Variants in COG7 observed in about 807,000 individuals in gnomAD.
The protein encoded by COG7 is conserved oligomeric Golgi complex subunit 7.
Under a neutral mutation model 91.5 loss-of-function variants are expected in COG7, and 49 were observed. The observed-to-expected ratio is 0.54, with a 90% CI of 0.43 to 0.68. COG7 has a LOEUF of 0.68. Among genes scored for constraint, COG7 ranks in the 30% least tolerant of loss-of-function variants. COG7 has a pLI of 0.00. For synonymous variants in COG7, 365 were observed against 388.7 expected (o/e 0.94, Z 0.72); for missense variants, 895 against 961.3 (o/e 0.93, Z 0.91).
At chr16:23,436,397 A>G (rs997096135) in intron 4 of COG7, among the ~76,000 whole-genome samples, 2 of 152,138 alleles carry the variant, frequency 1.3e-5, no homozygotes, top group Non-Finnish European at 2.9e-5. Context: ...GAAAAGGGGA[A>G]CATGTTGGGG....
intron 8 of COG7, 85 bp from the exon 9 acceptor site, chr16:23,417,206 T>G: frequency 7.2e-7 from 1 of 1,394,856 alleles, no homozygotes. Context: ...CCTTCTCATC[T>G]GTAGTAAAAT....
intron 14 of COG7, among the ~76,000 whole-genome samples, chr16:23,397,277 T>C (rs1030317757): frequency 3.9e-5 from 6 of 152,132 alleles, no homozygotes; most frequent in African/African-American, 1.4e-4. Flanking sequence ...CACATAGGGG[T>C]TGGATTCTAA....
chr16:23,390,210 T>C (rs1963169951), intron 16 of COG7: 3 of 150,870 alleles, frequency 2.0e-5, no homozygotes, highest in Non-Finnish European at 2.9e-5. Flanking sequence ...TTTTTTTTTT[T>C]TTCTTTTCTG....
At position 23,392,498 on chromosome 16, in the gene COG7, G is replaced by A; in HGVS notation, c.2028C>T (p.Asn676=). 1.2e-6 allele frequency: 2 copies of A among 1,614,210 alleles called. No homozygotes were observed. Among genetic ancestry groups the A allele is most frequent in the South Asian group, 2.2e-5 (2 of 91,086 alleles). The change falls in exon 16 of 17, where the codon AAC becomes AAT. Residue 676 remains asparagine (N), a synonymous_variant. Coordinates refer to ENST00000307149, the MANE Select transcript of COG7 (RefSeq NM_153603.4). ...EQGDELPELD[N]MADNWLGSIA... ...TCGAGCCCAGCCAGTTGTCAGCCAT[G>A]TTGTCCAGCTCGGGCAATTCATCCC...
Position 23,434,760 on chromosome 16 carries a change from T to C in COG7, c.605-42A>G, listed in dbSNP as rs369227896. 44 of 1,438,260 alleles carry C rather than the reference T, an allele frequency of 3.1e-5. No homozygotes were observed. In the African/African-American group the frequency reaches 5.6e-4, roughly 18 times the overall value. 89.1% of individuals were successfully genotyped at this position (1,438,260 alleles called of 1,614,324 possible). On this transcript the variant is annotated intron_variant, in intron 4 of 16. Coordinates refer to ENST00000307149, the MANE Select transcript of COG7 (RefSeq NM_153603.4). ...GTATATATACTGTTACCAGCCTTTCTGGTGTAGACATGAGAAAAAACTCAC... is the reference window on the plus strand; with the variant it reads ...GTATATATACTGTTACCAGCCTTTCCGGTGTAGACATGAGAAAAAACTCAC...
intron 14 of COG7, among the ~76,000 whole-genome samples, chr16:23,397,791 C>T (rs60176843): frequency 3.2e-3 from 489 of 152,268 alleles, no homozygotes; most frequent in East Asian, 0.02. Context: ...TCAACTCTGA[C>T]GCCCTCAGGT....
Position 23,453,048 on chromosome 16 carries a change from C to T in COG7, c.-54G>A. 1 of 1,610,198 alleles carries T rather than the reference C, an allele frequency of 6.2e-7. No homozygotes were observed. The highest frequency in any genetic ancestry group is 2.2e-5 in the East Asian group (1 of 44,762). On this transcript the variant is annotated 5_prime_UTR_variant, in exon 1 of 17. Transcript: ENST00000307149. ...GAACTTAAGAGTTGGCTCCGGGCGG[C>T]AACGGGGATGCAGAAGCGAGCGAGC... is the stretch of plus-strand genomic sequence containing the variant.
chr16:23,434,569 C>G (rs532465657), intron 5 of COG7, 67 bp downstream of exon 5: 1 of 1,194,738 alleles, frequency 8.4e-7, no homozygotes, highest in Non-Finnish European at 1.2e-6. Flanking sequence ...TATGAACCTG[C>G]GATTCTGTGA....
At chr16:23,428,522 A>G (rs1264371913) in intron 6 of COG7, among the ~76,000 whole-genome samples, 1 of 152,056 alleles carries the variant, frequency 6.6e-6, no homozygotes, top group Non-Finnish European at 1.5e-5. Context: ...CATCAGGGAA[A>G]TGCAAATAAA....
At chr16:23,396,901 A>G (rs1304270634) in intron 14 of COG7, among the ~76,000 whole-genome samples, 2 of 144,398 alleles carry the variant, frequency 1.4e-5, no homozygotes, top group African/African-American at 2.4e-5. Context: ...CAATTATACA[A>G]CATGTACTTT....
Position 23,418,820 on chromosome 16 carries a change from G to A in COG7, c.1017C>T (p.His339=). The part of the protein sequence containing the change: ...EMALLPHLHE[H]NLVKVTELVD... The stretch of plus-strand genomic sequence containing the variant: ...CCAGCTCCGTGACTTTTACCAGATT[G>A]TGTTCATCTTTAGGGAATCAGAAAT... Residue 339 remains histidine (H), a synonymous_variant, in exon 8 of 17, where the codon CAC becomes CAT. Coordinates refer to ENST00000307149, the MANE Select transcript of COG7 (RefSeq NM_153603.4). The A allele has an allele frequency of 6.2e-7, 1 of 1,613,446 alleles. No individual in the cohort carries two copies. The highest frequency in any genetic ancestry group is 8.5e-7 in the Non-Finnish European group (1 of 1,179,370).
Position 23,453,167 on chromosome 16 carries a change from G to C in COG7, c.-173C>G. 1.1e-5 allele frequency: 16 copies of C among 1,404,650 alleles called. No homozygotes were observed. Among genetic ancestry groups the C allele is most frequent in the Non-Finnish European group, 1.3e-5 (14 of 1,070,916 alleles). 87.0% of individuals were successfully genotyped at this position (1,404,650 alleles called of 1,614,324 possible). ...TGCGCTTCCCCGCTCAGCGCACTCA[G>C]TTTGCGGCTGGGAATGACCCTCGCC... On this transcript the variant is annotated 5_prime_UTR_variant, in exon 1 of 17. Transcript: ENST00000307149.
intron 16 of COG7, chr16:23,390,359 C>A (rs1461985682): frequency 6.6e-6 from 1 of 152,126 alleles, no homozygotes; most frequent in Non-Finnish European, 1.5e-5. Flanking sequence ...CCTACCACCA[C>A]GCCTGGCTAA....
At chr16:23,415,368 G>A (rs1401434866) in intron 9 of COG7, 5 of 152,186 alleles carry the variant, frequency 3.3e-5, no homozygotes, top group African/African-American at 1.2e-4. Flanking sequence ...CTATTCTCAG[G>A]TATGGTTATA....
In COG7 at chr16:23,392,500, T is replaced by C; in HGVS notation, c.2026A>G (p.Asn676Asp). 1 of 1,614,238 alleles carries C rather than the reference T, an allele frequency of 6.2e-7. No individual in the cohort carries two copies. The highest frequency in any genetic ancestry group is 8.5e-7 in the Non-Finnish European group (1 of 1,180,038). ...EQGDELPELD[N>D]MADNWLGSIA... ...GAGCCCAGCCAGTTGTCAGCCATGT[T>C]GTCCAGCTCGGGCAATTCATCCCCT... The change falls in exon 16 of 17, where the codon AAC (asparagine) becomes GAC (aspartate). Residue 676 changes from asparagine (N) to aspartate (D), a missense_variant. Coordinates refer to ENST00000307149, the MANE Select transcript of COG7 (RefSeq NM_153603.4).
chr16:23,412,708 C>G (rs1329721135), intron 10 of COG7: 1 of 152,196 alleles, frequency 6.6e-6, no homozygotes, highest in African/African-American at 2.4e-5. Context: ...TGTTTTGAGA[C>G]AGGGTTTTGC....
Position 23,417,047 on chromosome 16 carries a change from T to C in COG7, c.1212A>G (p.Ala404=), listed in dbSNP as rs1596929728. 6.2e-7 allele frequency: 1 copy of C among 1,614,248 alleles called. No homozygotes were observed. Among genetic ancestry groups the C allele is most frequent in the Non-Finnish European group, 8.5e-7 (1 of 1,180,032 alleles). The change falls in exon 9 of 17, where the codon GCA becomes GCG. Residue 404 remains alanine, a synonymous_variant. Transcript: ENST00000307149. ...SVNKLFGLAS[A]AVDRCVRFTN... is the part of the protein sequence containing the mutation. ...TGAATCTGACGCATCTGTCAACGGC[T>C]GCAGACGCCAGACCAAACAGCTTGT...
intron 4 of COG7, among the ~76,000 whole-genome samples, chr16:23,437,309 A>G (rs1964027667): frequency 6.6e-6 from 1 of 152,080 alleles, no homozygotes; most frequent in Non-Finnish European, 1.5e-5. Flanking sequence ...AAAAGCTTAA[A>G]TGCATGGAGC....
intron 4 of COG7, chr16:23,441,754 G>A (rs368980421): frequency 5.6e-5 from 8 of 144,106 alleles, no homozygotes; most frequent in African/African-American, 2.2e-4. Context: ...TCAGGGAAAA[G>A]AAACAAGCTA....
Sources: allele counts gnomAD v4.1 joint callset (sites outside exome capture counted in the v4.1 genomes callset), GRCh38; gene constraint gnomAD v4.1.1; transcripts MANE v1.5; gene names NCBI Gene and HGNC (gene_info 2026-07-23, HGNC 2026-07-21).